FIGN: variants seen among roughly 807,000 people sequenced by gnomAD.
The protein encoded by FIGN is fidgetin, microtubule severing factor, also known as fidgetin.
A neutral mutation model predicts 51.3 loss-of-function variants in FIGN; 11 were observed. The ratio of observed to expected loss-of-function variants is 0.21; its 90% CI spans 0.13 to 0.35. The LOEUF (loss-of-function observed/expected upper bound fraction) is 0.35. Ranked by LOEUF, FIGN falls within the 10% of genes least tolerant of loss-of-function variation. The pLI is 1.00. For missense variants in FIGN, 857 were observed against 943.6 expected, an observed-to-expected ratio of 0.91 and a Z score of 1.20; for synonymous variants, 407 against 363.2, an observed-to-expected ratio of 1.12 and a Z score of -1.37.
At position 163,643,932 on chromosome 2, in the gene FIGN, C is replaced by CAAAAAAAAAAAAAAAA. The variant is rs1162234909; in HGVS notation, c.26-32142_26-32127dup. Among the ~76,000 whole-genome samples, 34 of 19,078 alleles carry CAAAAAAAAAAAAAAAA rather than the reference C, an allele frequency of 1.8e-3. 9 individuals are homozygous for CAAAAAAAAAAAAAAAA. Among genetic ancestry groups the CAAAAAAAAAAAAAAAA allele is most frequent in the Non-Finnish European group, 2.3e-3 (24 of 10,436 alleles). 12.5% of individuals were successfully genotyped at this position (19,078 alleles called of 152,430 possible). On this transcript the variant is annotated intron_variant, in intron 2 of 2. Transcript: ENST00000333129. Reference sequence around the variant, plus strand: ...GGGCAACAAGAGCGAAACTCTGTCTCAAAAAAAAAAAAAAAAAAAAAAAAA... The same window carrying CAAAAAAAAAAAAAAAA: ...GGGCAACAAGAGCGAAACTCTGTCTCAAAAAAAAAAAAAAAAAAAAAAAAAAAAAAAAAAAAAAAAA...
intron 2 of FIGN, among the ~76,000 whole-genome samples, chr2:163,643,402 G>C (rs900820597): frequency 3.9e-5 from 6 of 152,172 alleles, no homozygotes; most frequent in African/African-American, 1.4e-4. Flanking sequence ...TGTAATCCCA[G>C]CATTTTGGGA....
At position 163,676,466 on chromosome 2, in the gene FIGN, T is replaced by TATATATCTAGAGTCTGTGCTCTAGATA. The variant is rs1553499904; in HGVS notation, c.25+58436_25+58437insTATCTAGAGCACAGACTCTAGATATAT. ...ATATATATATATATATATATATATA[T>TATATATCTAGAGTCTGTGCTCTAGATA]ATATATATATATATATAACTAGAGT... On this transcript the variant is annotated intron_variant, in intron 2 of 2. Transcript: ENST00000333129. Among the ~76,000 whole-genome samples the TATATATCTAGAGTCTGTGCTCTAGATA allele has an allele frequency of 1.5e-3, 163 of 106,910 alleles. 1 individual carries two copies. The highest frequency in any genetic ancestry group is 5.5e-3 in the African/African-American group (162 of 29,374). 70.1% of individuals were successfully genotyped at this position (106,910 alleles called of 152,430 possible).
At chr2:163,725,191 GA>G (rs1684820808) in intron 2 of FIGN, among the ~76,000 whole-genome samples, 1 of 151,942 alleles carries the variant, frequency 6.6e-6, no homozygotes, top group Admixed American at 6.6e-5. Context: ...TCCAGTGGCT[GA>G]AATGAAATTT....
At chr2:163,642,354 T>C (rs1211876170) in intron 2 of FIGN, among the ~76,000 whole-genome samples, 1 of 152,180 alleles carries the variant, frequency 6.6e-6, no homozygotes, top group Non-Finnish European at 1.5e-5. Flanking sequence ...ATGTTAGATA[T>C]AGAAGTAAGG....
chr2:163,696,408 T>C (rs1418833677), intron 2 of FIGN, among the ~76,000 whole-genome samples: 2 of 152,142 alleles, frequency 1.3e-5, no homozygotes, highest in African/African-American at 4.8e-5. Context: ...TTCTACCTGT[T>C]TTCCCACCTC....
chr2:163,675,707 T>C (rs13035383), intron 2 of FIGN, among the ~76,000 whole-genome samples: 46 of 79,988 alleles, frequency 5.8e-4, no homozygotes, highest in African/African-American at 2.5e-3. Context: ...TCTTTCTTTC[T>C]TTTTTTTTTT....
intron 2 of FIGN, among the ~76,000 whole-genome samples, chr2:163,664,974 A>G (rs1352215278): frequency 1.3e-5 from 2 of 151,418 alleles, no homozygotes; most frequent in African/African-American, 4.9e-5. Flanking sequence ...CTGTTTCCCC[A>G]ATGGGCTGGT....
At chr2:163,650,467 A>G (rs10191652) in intron 2 of FIGN, among the ~76,000 whole-genome samples, 115,804 of 151,828 alleles carry the variant, frequency 0.76, 44,203 homozygotes, top group Admixed American at 0.8. Flanking sequence ...ATAGGTATAC[A>G]CGTGCCAGGT....
chr2:163,618,102 G>A (rs1197169470), intron 2 of FIGN, among the ~76,000 whole-genome samples: 1 of 152,084 alleles, frequency 6.6e-6, no homozygotes, highest in Non-Finnish European at 1.5e-5. Context: ...GCAAAACAAA[G>A]AGCATAATCT....
At chr2:163,675,521 TC>T (rs1683943470) in intron 2 of FIGN, among the ~76,000 whole-genome samples, 2 of 152,172 alleles carry the variant, frequency 1.3e-5, no homozygotes, top group Non-Finnish European at 2.9e-5. Flanking sequence ...AGCCCAACAA[TC>T]TGTACTTTAA....
chr2:163,643,897 A>C (rs1253259432), intron 2 of FIGN, among the ~76,000 whole-genome samples: 1 of 125,524 alleles, frequency 8.0e-6, no homozygotes, highest in Non-Finnish European at 1.6e-5. Context: ...ACACCCCTGC[A>C]CTCCAGGCTG....
intron 2 of FIGN, among the ~76,000 whole-genome samples, chr2:163,697,991 A>G (rs546730173): frequency 1.3e-5 from 2 of 152,234 alleles, no homozygotes; most frequent in East Asian, 1.9e-4. Flanking sequence ...TAGATGGAAA[A>G]GGGCACTCCC....
intron 2 of FIGN, among the ~76,000 whole-genome samples, chr2:163,686,738 C>T (rs796283753): frequency 1.1e-4 from 16 of 150,412 alleles, no homozygotes; most frequent in African/African-American, 3.7e-4. Context: ...AATCATATAC[C>T]TGTGTTTATG....
At chr2:163,616,800 C>T (rs1045535009) in intron 2 of FIGN, among the ~76,000 whole-genome samples, 2 of 152,274 alleles carry the variant, frequency 1.3e-5, no homozygotes, top group African/African-American at 4.8e-5. Flanking sequence ...ACAGCCTCTT[C>T]TTTCTGATGC....
At chr2:163,632,958 A>G (rs13027070) in intron 2 of FIGN, among the ~76,000 whole-genome samples, 37,243 of 152,006 alleles carry the variant, frequency 0.25, 4,927 homozygotes, top group Admixed American at 0.28. Context: ...AGGGAAGCCA[A>G]GACAGGAGGA....
chr2:163,661,513 C>T (rs1056140681), intron 2 of FIGN, among the ~76,000 whole-genome samples: 1 of 152,248 alleles, frequency 6.6e-6, no homozygotes, highest in African/African-American at 2.4e-5. Flanking sequence ...TCTCCTGCCT[C>T]AGCCTCCCAA....
chr2:163,676,086 T>C (rs1322017679), intron 2 of FIGN, among the ~76,000 whole-genome samples: 1 of 151,630 alleles, frequency 6.6e-6, no homozygotes, highest in East Asian at 1.9e-4. Context: ...TGGAATCAAA[T>C]TGCCATTTAC....
intron 2 of FIGN, among the ~76,000 whole-genome samples, chr2:163,636,158 G>A (rs567573232): frequency 4.8e-4 from 73 of 152,252 alleles, no homozygotes; most frequent in South Asian, 3.9e-3. Flanking sequence ...ACAGCTTGCC[G>A]TTTTACAAGC....
Position 163,610,623 on chromosome 2 carries a change from G to A in FIGN, c.1209C>T (p.Ser403=), listed in dbSNP as rs1248856160. 3.0e-5 allele frequency: 49 copies of A among 1,614,074 alleles called. No homozygotes were observed. The highest frequency in any genetic ancestry group is 4.0e-5 in the Non-Finnish European group (47 of 1,180,036). Residue 403 remains serine, a synonymous_variant, in exon 3 of 3, where the codon TCC becomes TCT. Coordinates refer to ENST00000333129, the MANE Select transcript of FIGN (RefSeq NM_018086.4). ...SQSSRALTPP[S]YSTAKNSLGS... is the part of the protein sequence containing the mutation. Reference sequence around the variant, plus strand: ...CCAATGAATTTTTAGCAGTACTGTAGGAAGGAGGGGTCAGAGCCCTACTGG... The same window carrying A: ...CCAATGAATTTTTAGCAGTACTGTAAGAAGGAGGGGTCAGAGCCCTACTGG...
Sources: gnomAD v4.1 joint callset for allele counts (sites outside exome capture counted in the v4.1 genomes callset) on GRCh38, gnomAD v4.1.1 for gene constraint, MANE v1.5 for transcripts, NCBI Gene and HGNC (gene_info 2026-07-23, HGNC 2026-07-21) for gene names.